The following ADK variants were observed in gnomAD, a reference collection of about 807,000 sequenced individuals.
The protein encoded by ADK is adenosine kinase, also known as N6,N6-dimethyladenosine kinase.
A neutral mutation model predicts 44.7 loss-of-function variants in ADK; 24 were observed. The ratio of observed to expected loss-of-function variants is 0.54; its 90% confidence interval spans 0.39 to 0.76. ADK has a LOEUF of 0.76. ADK is among the 30% of genes least tolerant of loss of function. The pLI, the probability that ADK is intolerant of heterozygous loss-of-function variation, is 0.00. For synonymous variants in ADK, 128 were observed against 142.6 expected, an observed-to-expected ratio of 0.90 and a Z score of 0.73; for missense variants, 321 against 425.1, an observed-to-expected ratio of 0.76 and a Z score of 2.15.
chr10:74,690,394 G>T (rs1295587224), intron 10 of ADK, among the ~76,000 whole-genome samples: 3 of 152,198 alleles, frequency 2.0e-5, no homozygotes, highest in African/African-American at 7.2e-5. Flanking sequence ...TACTCAGGAG[G>T]CTGAGGTGGG....
chr10:74,326,381 G>T (rs1841010802), intron 4 of ADK, among the ~76,000 whole-genome samples: 1 of 151,472 alleles, frequency 6.6e-6, no homozygotes, highest in Non-Finnish European at 1.5e-5. Flanking sequence ...AACTTCAAGA[G>T]GCCAGGAATT....
chr10:74,218,133 C>A (rs7898976), intron 2 of ADK, among the ~76,000 whole-genome samples: 2 of 151,840 alleles, frequency 1.3e-5, no homozygotes, highest in Non-Finnish European at 2.9e-5. Flanking sequence ...AAAATTTAAA[C>A]GAATGTATAA....
intron 1 of ADK, among the ~76,000 whole-genome samples, chr10:74,166,702 G>GA (rs11312116): frequency 1.8e-4 from 25 of 140,312 alleles, no homozygotes; most frequent in Middle Eastern, 3.6e-3. Flanking sequence ...AAAAAAAAAA[G>GA]AAAAAAAAAA....
At chr10:74,174,138 A>T (rs1162060983) in intron 1 of ADK, among the ~76,000 whole-genome samples, 1 of 150,798 alleles carries the variant, frequency 6.6e-6, no homozygotes, top group Non-Finnish European at 1.5e-5. Context: ...CCTTGTCTCT[A>T]CTAAAAACAC....
At chr10:74,654,528 A>C (rs1213676874) in intron 9 of ADK, among the ~76,000 whole-genome samples, 1 of 152,238 alleles carries the variant, frequency 6.6e-6, no homozygotes, top group Non-Finnish European at 1.5e-5. Flanking sequence ...GTATTAATTC[A>C]GGCCAGGTGC....
intron 6 of ADK, 120 bp downstream of exon 6, chr10:74,398,699 CA>C: frequency 1.8e-6 from 1 of 567,372 alleles, no homozygotes; most frequent in Non-Finnish European, 3.1e-6. Flanking sequence ...TTATCTCTCT[CA>C]AAGCATATGT....
chr10:74,619,021 T>C (rs1852880315), intron 9 of ADK, among the ~76,000 whole-genome samples: 1 of 90,926 alleles, frequency 1.1e-5, no homozygotes, highest in Non-Finnish European at 2.0e-5. Context: ...TTTGTGTGTG[T>C]GTGTGTGTGT....
intron 4 of ADK, among the ~76,000 whole-genome samples, chr10:74,325,236 A>T (rs1840965618): frequency 6.6e-6 from 1 of 151,870 alleles, no homozygotes; most frequent in African/African-American, 2.4e-5. Context: ...TATTTTAGCT[A>T]TTTTTATAGC....
chr10:74,418,083 G>A (rs1459860893), intron 6 of ADK, among the ~76,000 whole-genome samples: 1 of 152,086 alleles, frequency 6.6e-6, no homozygotes. Context: ...ACTATTCTGT[G>A]AATCTTTTGT....
At chr10:74,225,139 G>T (rs557357198) in intron 3 of ADK, among the ~76,000 whole-genome samples, 3 of 152,208 alleles carry the variant, frequency 2.0e-5, no homozygotes, top group African/African-American at 4.8e-5. Flanking sequence ...GGCTGGAGGC[G>T]CAATCTCGGC....
chr10:74,279,440 G>T (rs1156897701), intron 3 of ADK, among the ~76,000 whole-genome samples: 5 of 151,896 alleles, frequency 3.3e-5, no homozygotes, highest in Non-Finnish European at 5.9e-5. Context: ...ACAAAAATTA[G>T]CTGGGCATGG....
At chr10:74,217,752 A>G (rs532201869) in intron 2 of ADK, among the ~76,000 whole-genome samples, 5 of 152,314 alleles carry the variant, frequency 3.3e-5, no homozygotes, top group Admixed American at 3.3e-4. Context: ...GCTGATACCC[A>G]GGCAAACAGG....
At chr10:74,531,183 T>G (rs1849278636) in intron 7 of ADK, among the ~76,000 whole-genome samples, 4 of 152,148 alleles carry the variant, frequency 2.6e-5, no homozygotes, top group Admixed American at 1.3e-4. Context: ...AAGACAATCC[T>G]CAGTGCACAC....
intron 3 of ADK, among the ~76,000 whole-genome samples, chr10:74,277,877 G>A (rs1212240138): frequency 6.6e-6 from 1 of 151,984 alleles, no homozygotes; most frequent in Non-Finnish European, 1.5e-5. Context: ...GACTACTTTT[G>A]TAATGTTTTA....
intron 3 of ADK, among the ~76,000 whole-genome samples, chr10:74,259,085 G>A (rs1307840083): frequency 6.6e-6 from 1 of 151,250 alleles, no homozygotes; most frequent in Non-Finnish European, 1.5e-5. Flanking sequence ...CCAAGTAGCT[G>A]GGATTACAGG....
chr10:74,544,299 T>TC (rs1207255199), intron 7 of ADK, among the ~76,000 whole-genome samples: 3 of 152,184 alleles, frequency 2.0e-5, no homozygotes, highest in African/African-American at 7.2e-5. Flanking sequence ...GGTGACCACT[T>TC]CCCATCCTGG....
chr10:74,473,169 TACAC>T (rs1418885967), intron 6 of ADK, among the ~76,000 whole-genome samples: 4 of 129,870 alleles, frequency 3.1e-5, no homozygotes, highest in African/African-American at 1.1e-4. Context: ...TATATATATA[TACAC>T]ACACATACAT....
At chr10:74,587,675 T>G (rs1158841865) in intron 7 of ADK, among the ~76,000 whole-genome samples, 2 of 151,986 alleles carry the variant, frequency 1.3e-5, no homozygotes, top group Non-Finnish European at 2.9e-5. Flanking sequence ...TAATATCTCT[T>G]GGCAAAGATA....
intron 9 of ADK, chr10:74,641,563 T>TTG (rs1853843290): frequency 6.6e-6 from 1 of 152,170 alleles, no homozygotes; most frequent in Non-Finnish European, 1.5e-5. Flanking sequence ...CTAGTATAGT[T>TTG]TGTCTAATGC....
Sources: gnomAD v4.1 joint callset for allele counts (sites outside exome capture counted in the v4.1 genomes callset) on GRCh38, gnomAD v4.1.1 for gene constraint, MANE v1.5 for transcripts, NCBI Gene and HGNC (gene_info 2026-07-23, HGNC 2026-07-21) for gene names.